UBFD1: variants seen among roughly 807,000 people sequenced by gnomAD.
UBFD1 encodes the protein ubiquitin domain-containing protein UBFD1.
A neutral mutation model predicts 35.1 loss-of-function variants in UBFD1; 12 were observed. The ratio of observed to expected loss-of-function variants is 0.34; its 90% CI spans 0.22 to 0.55. UBFD1 has a LOEUF of 0.55. UBFD1 is among the 20% of genes least tolerant of loss of function. The pLI is 0.89. For synonymous variants in UBFD1, 178 were observed against 167.6 expected, an observed-to-expected ratio of 1.06 and a Z score of -0.48; for missense variants, 337 against 410.8, an observed-to-expected ratio of 0.82 and a Z score of 1.55.
intron 5 of UBFD1, chr16:23,566,137 A>AATATAGAGTGCGGAGGACTCGAGG: frequency 1.3e-5 from 2 of 152,324 alleles, no homozygotes; most frequent in South Asian, 4.1e-4. Context: ...AAAGTGTGTG[A>AATATAGAGTGCGGAGGACTCGAGG]ATATAGAGTG....
intron 5 of UBFD1, 197 bp from the exon 6 acceptor site, chr16:23,566,790 G>A (rs912601423): frequency 2.1e-5 from 11 of 529,548 alleles, no homozygotes; most frequent in Non-Finnish European, 3.0e-5. Context: ...TTGCTCCTAC[G>A]GAGTTCCCAG....
At position 23,558,543 on chromosome 16, in the gene UBFD1, A is replaced by G. The variant is rs531449826; in HGVS notation, c.355+264A>G. Reference sequence around the variant, plus strand: ...TGATGTTGCTCTAACATCTCTAATTAAAAAATCACCTAAGGCGCTTGTTTT... The same window carrying G: ...TGATGTTGCTCTAACATCTCTAATTGAAAAATCACCTAAGGCGCTTGTTTT... On this transcript the variant is annotated intron_variant, in intron 2 of 6. Transcript: ENST00000395878. Among the ~76,000 whole-genome samples the G allele has an allele frequency of 3.3e-5, 5 of 152,310 alleles. No individual in the cohort carries two copies. The South Asian group carries it at 1.0e-3, about 32-fold the overall frequency.
At chr16:23,559,097 A>T (rs965508936) in intron 2 of UBFD1, 1 of 169,920 alleles carries the variant, frequency 5.9e-6, no homozygotes, top group Non-Finnish European at 1.2e-5. Flanking sequence ...TTTTGTCCCT[A>T]TTGGCTTCTG....
intron 6 of UBFD1, among the ~76,000 whole-genome samples, chr16:23,569,975 CTT>C (rs1411915019): frequency 4.6e-5 from 7 of 152,238 alleles, no homozygotes; most frequent in Non-Finnish European, 1.0e-4. Flanking sequence ...AGCCTTGTCA[CTT>C]TGAATTCTGC....
chr16:23,559,582 T>G lies in UBFD1; in HGVS notation c.470T>G (p.Ile157Ser). 6.2e-7 allele frequency: 1 copy of G among 1,614,182 alleles called. No homozygotes were observed. The highest frequency in any genetic ancestry group is 8.5e-7 in the Non-Finnish European group (1 of 1,180,038). ...AAGATCATGGTGGTTGGCTCCACCATCAATGATGTTTTAGCAGTAAACACA... is the reference window on the plus strand; with the variant it reads ...AAGATCATGGTGGTTGGCTCCACCAGCAATGATGTTTTAGCAGTAAACACA... ...GAKIMVVGST[I>S]NDVLAVNTPK... Residue 157 changes from isoleucine to serine, a missense_variant, in exon 3 of 7, where the codon ATC becomes AGC. Ile to Ser is a moderately radical substitution (Grantham distance 142, BLOSUM62 -2). This residue lies in a region of UBFD1 where 44 missense variants were observed against 39.2 expected (regional missense o/e 1.12). Transcript: ENST00000395878.
rs768474983 is a variant in UBFD1, at chr16:23,562,282, T to C, written c.630+11T>C. 1 of 1,613,442 alleles carries C rather than the reference T, an allele frequency of 6.2e-7. No individual in the cohort carries two copies. Among genetic ancestry groups the C allele is most frequent in the East Asian group, 2.2e-5 (1 of 44,874 alleles). On this transcript the variant is annotated intron_variant, in intron 4 of 6. Transcript: ENST00000395878. ...GTTAAGGGGGCCCAGGTAAGGCGGA[T>C]TTCTTTGTGAGCATTCTGAAAATGA...
In UBFD1 at chr16:23,558,065, C is replaced by G; in HGVS notation, c.141C>G (p.Ser47=). The change falls in exon 2 of 7, where the codon TCC becomes TCG. Residue 47 remains serine, a synonymous_variant. Transcript: ENST00000395878. ...CGGCGGGGGCGGCGGCCGAGGACTC[C>G]GGCGCCGCACGAGGCAGCCTGCAGC... ...EAAAGAAAED[S]GAARGSLQPA... The G allele has an allele frequency of 7.2e-7, 1 of 1,397,828 alleles. No individual in the cohort carries two copies. The highest frequency in any genetic ancestry group is 9.3e-7 in the Non-Finnish European group (1 of 1,079,942). 86.6% of individuals were successfully genotyped at this position (1,397,828 alleles called of 1,614,324 possible). A position where few individuals can be genotyped will look rare whatever the true frequency, so the allele number is the denominator to read the frequency against.
chr16:23,570,488 G>T lies in UBFD1; in HGVS notation c.828G>T (p.Gln276His). The T allele has an allele frequency of 1.2e-6, 2 of 1,613,918 alleles. No individual in the cohort carries two copies. The highest frequency in any genetic ancestry group is 1.7e-6 in the Non-Finnish European group (2 of 1,179,944). ...GHEDYHMMAF[Q>H]LGPTEASYYW... ...TCCTTTTTCCCTTCCAGGCGTTTCA[G>T]TTGGGCCCCACGGAAGCCTCTTACT... The change falls in exon 7 of 7, where the codon CAG becomes CAT. Residue 276 changes from glutamine to histidine, a missense_variant. Physicochemically the swap from Gln to His is conservative, Grantham distance 24 (BLOSUM62 0). Around this residue, in one of 4 missense-constraint regions of UBFD1, gnomAD observed 71 missense variants for 149.6 expected, o/e 0.47. Transcript: ENST00000395878.
At chr16:23,557,814 G>A (rs1965836840) in intron 1 of UBFD1, 47 bp downstream of exon 1, 15 of 1,276,366 alleles carry the variant, frequency 1.2e-5, no homozygotes, top group Non-Finnish European at 1.5e-5. Flanking sequence ...CTGAGGTTGC[G>A]GTCGCTCCTC....
chr16:23,558,389 C>G, intron 2 of UBFD1, 110 bp downstream of exon 2: 1 of 1,340,150 alleles, frequency 7.5e-7, no homozygotes, highest in African/African-American at 1.5e-5. Context: ...CCCATCCTTA[C>G]AGCAGTCTTC....
At chr16:23,565,642 C>T (rs895981643) in intron 5 of UBFD1, 16 of 152,324 alleles carry the variant, frequency 1.1e-4, no homozygotes, top group African/African-American at 3.8e-4. Context: ...CAGGTCCCTT[C>T]TCCCCAGCCC....
rs1966104839 is a variant in UBFD1, at chr16:23,572,890, C to T, written c.*2300C>T. 6.6e-6 allele frequency: 1 copy of T among 152,186 alleles called. No homozygotes were observed. Among genetic ancestry groups the T allele is most frequent in the African/African-American group, 2.4e-5 (1 of 41,428 alleles). The allele number at this position is 152,186 out of a possible 1,614,324, so 9.4% of individuals were successfully genotyped here. On this transcript the variant is annotated 3_prime_UTR_variant, in exon 7 of 7. Transcript: ENST00000395878. ...TTCAACAATCTTGAGCTCTGTGGCT[C>T]CTCACCCTGTCTGCATGGAAGACCT...
intron 3 of UBFD1, 44 bp from the exon 4 acceptor site, chr16:23,562,162 A>G: frequency 1.3e-6 from 2 of 1,563,850 alleles, no homozygotes; most frequent in African/African-American, 1.4e-5. Flanking sequence ...AACACGACGA[A>G]ATGTAGTCAG....
intron 5 of UBFD1, chr16:23,565,959 C>T (rs1442606599): frequency 6.6e-6 from 1 of 151,822 alleles, no homozygotes; most frequent in Non-Finnish European, 1.5e-5. Flanking sequence ...TCCCGCTTCA[C>T]TTGGCTCACT....
In UBFD1 at chr16:23,567,951, G is replaced by A. The variant is rs897428350; in HGVS notation, c.819+882G>A. 7.2e-5 allele frequency among the ~76,000 whole-genome samples: 11 copies of A among 152,230 alleles called. 1 individual carries two copies. The highest frequency in any genetic ancestry group is 3.9e-4 in the Admixed American group (6 of 15,286). On this transcript the variant is annotated intron_variant, in intron 6 of 6. Coordinates refer to ENST00000395878, the MANE Select transcript of UBFD1 (RefSeq NM_019116.3). ...CAAGTCCCAGGCAGAGAGATGTGTT[G>A]GAAGATCCTCTTGCTATAGAAAAAA...
At chr16:23,559,131 C>T (rs986297865) in intron 2 of UBFD1, 3 of 197,792 alleles carry the variant, frequency 1.5e-5, no homozygotes, top group African/African-American at 7.1e-5. Flanking sequence ...TGTGGATTCT[C>T]ACTTAATATG....
At chr16:23,559,922 C>T (rs1001892463) in intron 3 of UBFD1, 49 of 1,475,186 alleles carry the variant, frequency 3.3e-5, no homozygotes, top group Middle Eastern at 2.4e-4. Flanking sequence ...TAAAGGGAGG[C>T]TTCAGACCAT....
In UBFD1 at chr16:23,574,266, G is replaced by A. The variant is rs1430062057; in HGVS notation, c.*3676G>A. 2.6e-5 allele frequency: 4 copies of A among 152,588 alleles called. No homozygotes were observed. In the East Asian group the frequency reaches 7.7e-4, roughly 29 times the overall value. The allele number at this position is 152,588 out of a possible 1,614,324, so 9.5% of individuals were successfully genotyped here. On this transcript the variant is annotated 3_prime_UTR_variant, in exon 7 of 7. Coordinates refer to ENST00000395878, the MANE Select transcript of UBFD1 (RefSeq NM_019116.3). Reference sequence around the variant, plus strand: ...TTCAAATCAAATGCCTGTTTGGGAGGAGATGAACGTATTTAGTCTATTAGA... The same window carrying A: ...TTCAAATCAAATGCCTGTTTGGGAGAAGATGAACGTATTTAGTCTATTAGA...
chr16:23,558,349 C>G, intron 2 of UBFD1, 70 bp downstream of exon 2: 1 of 1,543,844 alleles, frequency 6.5e-7, no homozygotes. Flanking sequence ...CCCTACTAGG[C>G]ACCTGGTGGC....
Sources: allele counts gnomAD v4.1 joint callset (sites outside exome capture counted in the v4.1 genomes callset), GRCh38; gene constraint gnomAD v4.1.1; regional missense constraint gnomAD v4.1.1; transcripts MANE v1.5; gene names NCBI Gene and HGNC (gene_info 2026-07-23, HGNC 2026-07-21).